The following TSPAN13 variants were observed in gnomAD, a reference collection of about 807,000 sequenced individuals.
TSPAN13 encodes the protein tetraspanin-13.
In TSPAN13, 18 loss-of-function variants were observed where a neutral mutation model predicts 26.9. The observed-to-expected ratio is 0.67, with a 90% CI of 0.46 to 0.99. TSPAN13 has a LOEUF of 0.99. Among genes scored for constraint, TSPAN13 ranks in the 50% least tolerant of loss-of-function variants. The probability of loss-of-function intolerance (pLI) is 0.00; values close to 1 mark genes in which losing one functional copy is unlikely to be tolerated. For synonymous variants in TSPAN13, 116 were observed against 98.4 expected (o/e 1.18, Z -1.06); for missense variants, 201 against 249.6 (o/e 0.81, Z 1.31).
At chr7:16,754,603 T>C (rs1456012673) in intron 1 of TSPAN13, among the ~76,000 whole-genome samples, 1 of 152,212 alleles carries the variant, frequency 6.6e-6, no homozygotes, top group Non-Finnish European at 1.5e-5. Flanking sequence ...AAGGGATGTC[T>C]TTTTGTTTTT....
At chr7:16,779,961 CG>C (rs1379650216) in intron 5 of TSPAN13, among the ~76,000 whole-genome samples, 2 of 151,640 alleles carry the variant, frequency 1.3e-5, no homozygotes, top group Non-Finnish European at 2.9e-5. Context: ...TTAGTAGAGA[CG>C]GGGTTTCACC....
chr7:16,783,618 A>T lies in TSPAN13; in HGVS notation c.*127A>T. On this transcript the variant is annotated 3_prime_UTR_variant, in exon 6 of 6. Coordinates refer to ENST00000262067, the MANE Select transcript of TSPAN13 (RefSeq NM_014399.4). Reference sequence around the variant, plus strand: ...GGAAAAGTACCTTATTGATAGTGGAATTATATATTTTTACTCTATGTTTCT... The same window carrying T: ...GGAAAAGTACCTTATTGATAGTGGATTTATATATTTTTACTCTATGTTTCT... 1 of 833,808 alleles carries T rather than the reference A, an allele frequency of 1.2e-6. No homozygotes were observed. The highest frequency in any genetic ancestry group is 1.7e-5 in the South Asian group (1 of 59,612). 51.7% of individuals were successfully genotyped at this position (833,808 alleles called of 1,614,324 possible).
intron 1 of TSPAN13, among the ~76,000 whole-genome samples, chr7:16,761,007 C>A (rs1271658562): frequency 6.6e-6 from 1 of 152,286 alleles, no homozygotes; most frequent in East Asian, 1.9e-4. Flanking sequence ...TACTTCATTT[C>A]TTGTCTCCCA....
intron 1 of TSPAN13, among the ~76,000 whole-genome samples, chr7:16,770,186 A>AT (rs1328774614): frequency 2.0e-5 from 3 of 149,952 alleles, no homozygotes; most frequent in Non-Finnish European, 3.0e-5. Context: ...TCTGTTTAAT[A>AT]TTTTTTATTT....
chr7:16,776,661 T>C (rs1210568071), intron 2 of TSPAN13, among the ~76,000 whole-genome samples: 1 of 152,220 alleles, frequency 6.6e-6, no homozygotes, highest in Non-Finnish European at 1.5e-5. Flanking sequence ...ATTTGGTGAC[T>C]TCTAGGCCCT....
At chr7:16,776,477 C>A in intron 2 of TSPAN13, 99 bp downstream of exon 2, 1 of 1,181,850 alleles carries the variant, frequency 8.5e-7, no homozygotes, top group Non-Finnish European at 1.2e-6. Context: ...CAGAAAGCAA[C>A]TCCAAGCAAG....
intron 1 of TSPAN13, among the ~76,000 whole-genome samples, chr7:16,773,091 T>G (rs548884114): frequency 7.9e-5 from 12 of 152,146 alleles, no homozygotes; most frequent in Admixed American, 2.6e-4. Context: ...TGGGCTATTC[T>G]GTTTATCTGA....
chr7:16,762,558 C>G (rs1253253518), intron 1 of TSPAN13, among the ~76,000 whole-genome samples: 1 of 152,180 alleles, frequency 6.6e-6, no homozygotes, highest in Non-Finnish European at 1.5e-5. Flanking sequence ...ATGACCTGAT[C>G]TGATTGGCTT....
chr7:16,771,827 A>G (rs1784683154), intron 1 of TSPAN13, among the ~76,000 whole-genome samples: 1 of 152,196 alleles, frequency 6.6e-6, no homozygotes, highest in Non-Finnish European at 1.5e-5. Flanking sequence ...AGTGGTAATT[A>G]GGGTAGACTG....
chr7:16,779,161 C>A, intron 5 of TSPAN13, 45 bp downstream of exon 5: 3 of 1,467,718 alleles, frequency 2.0e-6, no homozygotes, highest in Non-Finnish European at 2.8e-6. Context: ...CACAGAGATT[C>A]CTGTTTTGCA....
intron 5 of TSPAN13, among the ~76,000 whole-genome samples, chr7:16,781,556 C>T (rs140158273): frequency 5.3e-5 from 8 of 152,270 alleles, no homozygotes; most frequent in Admixed American, 1.3e-4. Flanking sequence ...TCTGAACAGT[C>T]GGGCAAGGAA....
chr7:16,764,139 T>C (rs1230373680), intron 1 of TSPAN13, among the ~76,000 whole-genome samples: 2 of 152,040 alleles, frequency 1.3e-5, no homozygotes, highest in African/African-American at 4.8e-5. Context: ...TGCCTCAGTC[T>C]TCTGAGTAGC....
intron 1 of TSPAN13, among the ~76,000 whole-genome samples, chr7:16,757,070 A>G (rs1017948593): frequency 5.9e-5 from 9 of 152,188 alleles, no homozygotes; most frequent in African/African-American, 9.7e-5. Context: ...CATTGTGAAG[A>G]CAGGATCTAG....
At chr7:16,755,154 C>T (rs1784468806) in intron 1 of TSPAN13, among the ~76,000 whole-genome samples, 1 of 152,102 alleles carries the variant, frequency 6.6e-6, no homozygotes, top group South Asian at 2.1e-4. Flanking sequence ...ACCCTGAAAA[C>T]AAACCCAGCA....
At chr7:16,782,558 T>C (rs918613500) in intron 5 of TSPAN13, among the ~76,000 whole-genome samples, 1 of 152,202 alleles carries the variant, frequency 6.6e-6, no homozygotes, top group African/African-American at 2.4e-5. Flanking sequence ...AGAGCACACA[T>C]TTCTTAATTT....
rs1174929532 is a variant in TSPAN13 at position 16,784,441 on chromosome 7, C to T, written c.*950C>T. The T allele has an allele frequency of 6.6e-6, 1 of 152,058 alleles. No homozygotes were observed. The highest frequency in any genetic ancestry group is 1.5e-5 in the Non-Finnish European group (1 of 68,008). 9.4% of individuals were successfully genotyped at this position (152,058 alleles called of 1,614,324 possible). A position where few individuals can be genotyped will look rare whatever the true frequency, so the allele number is the denominator to read the frequency against. ...TTGAAATTGAAATCGTATTGTGTGG[C>T]TCTGTATATTCTGTTAAAAAATTAA... On this transcript the variant is annotated 3_prime_UTR_variant, in exon 6 of 6. Transcript: ENST00000262067.
At chr7:16,774,563 T>C (rs1211006888) in intron 1 of TSPAN13, among the ~76,000 whole-genome samples, 1 of 152,184 alleles carries the variant, frequency 6.6e-6, no homozygotes, top group Non-Finnish European at 1.5e-5. Context: ...TTTTTCTCAG[T>C]CCAAGACTGT....
Position 16,783,785 on chromosome 7 carries a change from T to C in TSPAN13, c.*294T>C, listed in dbSNP as rs1051350495. 4.1e-5 allele frequency: 17 copies of C among 414,006 alleles called. No homozygotes were observed. The highest frequency in any genetic ancestry group is 2.8e-4 in the African/African-American group (14 of 50,568). 25.6% of individuals were successfully genotyped at this position (414,006 alleles called of 1,614,324 possible). On this transcript the variant is annotated 3_prime_UTR_variant, in exon 6 of 6. Transcript: ENST00000262067. Reference sequence around the variant, plus strand: ...TTAGCATTTTTACCTGCAGAAAAACTTTGTATGGTACCACTGTGTTGGTTA... The same window carrying C: ...TTAGCATTTTTACCTGCAGAAAAACCTTGTATGGTACCACTGTGTTGGTTA...
chr7:16,771,565 G>T (rs1397821998), intron 1 of TSPAN13, among the ~76,000 whole-genome samples: 1 of 152,170 alleles, frequency 6.6e-6, no homozygotes, highest in Non-Finnish European at 1.5e-5. Flanking sequence ...TGAGGGGTTT[G>T]AACATGATAT....
Sources: gnomAD v4.1 joint callset for allele counts (sites outside exome capture counted in the v4.1 genomes callset) on GRCh38, gnomAD v4.1.1 for gene constraint, MANE v1.5 for transcripts, NCBI Gene and HGNC (gene_info 2026-07-23, HGNC 2026-07-21) for gene names.